The following CNTN5 variants were observed in gnomAD, a reference collection of about 807,000 sequenced individuals.
CNTN5 encodes the protein contactin 5, also known as contactin-5.
In CNTN5, 77 loss-of-function variants were observed where a neutral mutation model predicts 129.1. That is an observed-to-expected ratio of 0.60 (90% CI 0.50 to 0.72). The LOEUF (loss-of-function observed/expected upper bound fraction) is 0.72. CNTN5 is among the 30% of genes least tolerant of loss of function. The pLI, the probability that CNTN5 is intolerant of heterozygous loss-of-function variation, is 0.00. For missense variants in CNTN5, 1,478 were observed against 1,328.8 expected, an observed-to-expected ratio of 1.11 and a Z score of -1.75; for synonymous variants, 509 against 465.6, an observed-to-expected ratio of 1.09 and a Z score of -1.20.
rs57789569 is a variant in CNTN5 at position 99,448,730 on chromosome 11, TTTTTATTTTATTTTA to T, written c.-70-107365_-70-107351del. ...TAATTTGCCTAAAATTGTACAATTG[TTTTTATTTTATTTTA>T]TTTTATTTTATTTTATTTTATTTTA... On this transcript the variant is annotated intron_variant, in intron 2 of 24. Transcript: ENST00000524871. Among the ~76,000 whole-genome samples the T allele has an allele frequency of 2.6e-3, 320 of 123,350 alleles. 1 individual carries two copies. In the East Asian group the frequency reaches 0.029, roughly 11 times the overall value. 80.9% of individuals were successfully genotyped at this position (123,350 alleles called of 152,430 possible). A position where few individuals can be genotyped will look rare whatever the true frequency, so the allele number is the denominator to read the frequency against.
chr11:100,266,917 C>T (rs1950315020), intron 17 of CNTN5, among the ~76,000 whole-genome samples: 1 of 152,072 alleles, frequency 6.6e-6, no homozygotes, highest in Non-Finnish European at 1.5e-5. Context: ...GTTCTAGGCA[C>T]ATGCAGTGTA....
At chr11:99,582,547 A>T (rs1419020329) in intron 3 of CNTN5, among the ~76,000 whole-genome samples, 1 of 151,612 alleles carries the variant, frequency 6.6e-6, no homozygotes, top group African/African-American at 2.4e-5. Context: ...TTTTCTCTCA[A>T]CTTCTCTTCA....
intron 1 of CNTN5, among the ~76,000 whole-genome samples, chr11:99,170,897 G>C (rs547021955): frequency 6.6e-6 from 1 of 152,304 alleles, no homozygotes; most frequent in South Asian, 2.1e-4. Flanking sequence ...AGAAAGTAAT[G>C]TCATGTCAAT....
chr11:99,411,020 C>A (rs1942366664), intron 2 of CNTN5, among the ~76,000 whole-genome samples: 1 of 152,152 alleles, frequency 6.6e-6, no homozygotes, highest in Non-Finnish European at 1.5e-5. Flanking sequence ...ATTATCTGAA[C>A]TTTCATAAAT....
At chr11:99,797,834 C>A (rs185747299) in intron 3 of CNTN5, among the ~76,000 whole-genome samples, 2 of 151,986 alleles carry the variant, frequency 1.3e-5, no homozygotes, top group South Asian at 4.2e-4. Flanking sequence ...AAAGTTAAAA[C>A]GAATGACTTT....
At chr11:99,684,297 T>C (rs1025305363) in intron 3 of CNTN5, among the ~76,000 whole-genome samples, 1 of 151,930 alleles carries the variant, frequency 6.6e-6, no homozygotes, top group Non-Finnish European at 1.5e-5. Context: ...CACTATACCA[T>C]ATATACTTTT....
chr11:99,939,300 G>T (rs1483891593), intron 7 of CNTN5, among the ~76,000 whole-genome samples: 1 of 151,856 alleles, frequency 6.6e-6, no homozygotes, highest in Non-Finnish European at 1.5e-5. Context: ...TTATCTTGAA[G>T]TAATTTATAT....
At chr11:99,842,743 G>C (rs1947552068) in intron 4 of CNTN5, among the ~76,000 whole-genome samples, 1 of 152,050 alleles carries the variant, frequency 6.6e-6, no homozygotes, top group African/African-American at 2.4e-5. Context: ...AAAATTTATA[G>C]AAGTTTTCCA....
intron 13 of CNTN5, among the ~76,000 whole-genome samples, chr11:100,161,890 AC>A (rs1473644807): frequency 9.5e-5 from 14 of 146,894 alleles, no homozygotes; most frequent in African/African-American, 3.5e-4. Flanking sequence ...AAAACAAAAA[AC>A]AAAAAACACA....
chr11:99,942,323 G>A (rs1035266736), intron 7 of CNTN5, among the ~76,000 whole-genome samples: 2 of 151,850 alleles, frequency 1.3e-5, no homozygotes, highest in African/African-American at 4.8e-5. Flanking sequence ...TGTGGATGAT[G>A]GAAAGGGCGT....
At chr11:100,176,145 G>A (rs575809483) in intron 13 of CNTN5, among the ~76,000 whole-genome samples, 43 of 151,820 alleles carry the variant, frequency 2.8e-4, no homozygotes, top group African/African-American at 8.0e-4. Flanking sequence ...TCAACCTCCC[G>A]AGTTGCTGGG....
intron 1 of CNTN5, among the ~76,000 whole-genome samples, chr11:99,310,209 A>C (rs1433370260): frequency 6.6e-6 from 1 of 152,198 alleles, no homozygotes; most frequent in African/African-American, 2.4e-5. Flanking sequence ...AGAAAGACAC[A>C]TACAATGCTG....
chr11:99,579,816 C>G (rs1949507016), intron 3 of CNTN5, among the ~76,000 whole-genome samples: 1 of 151,074 alleles, frequency 6.6e-6, no homozygotes, highest in South Asian at 2.1e-4. Flanking sequence ...ATTGAATGCC[C>G]TTTATTCCCT....
intron 2 of CNTN5, among the ~76,000 whole-genome samples, chr11:99,552,644 T>C (rs1009326305): frequency 6.6e-6 from 1 of 152,154 alleles, no homozygotes; most frequent in Non-Finnish European, 1.5e-5. Context: ...CAGTATGTGC[T>C]TGGCATGCTT....
intron 13 of CNTN5, among the ~76,000 whole-genome samples, chr11:100,135,906 A>ATATC (rs1325831280): frequency 6.6e-6 from 1 of 152,044 alleles, no homozygotes; most frequent in Admixed American, 6.6e-5. Context: ...TTTGTTAGAT[A>ATATC]TATCTCTGCT....
intron 1 of CNTN5, among the ~76,000 whole-genome samples, chr11:99,303,920 G>A (rs899378639): frequency 6.6e-6 from 1 of 152,000 alleles, no homozygotes; most frequent in African/African-American, 2.4e-5. Context: ...ACATATTTGT[G>A]GAGGCCTAAA....
intron 3 of CNTN5, among the ~76,000 whole-genome samples, chr11:99,806,940 T>C (rs576189198): frequency 3.3e-5 from 5 of 152,190 alleles, no homozygotes; most frequent in African/African-American, 1.2e-4. Context: ...TATTATCAAA[T>C]TGGAAGCAAA....
rs1163660333 is a variant in CNTN5 at position 99,382,845 on chromosome 11, C to CTTTTTTTTT, written c.-71+57383_-71+57391dup. On this transcript the variant is annotated intron_variant, in intron 2 of 24. Coordinates refer to ENST00000524871, the MANE Select transcript of CNTN5 (RefSeq NM_014361.4). The stretch of plus-strand genomic sequence containing the variant: ...ACATCTCACTAGTGTCTCTAAATAA[C>CTTTTTTTTT]TTTTTTTTTTTTTTTTTTTTTTTTT... Among the ~76,000 whole-genome samples the CTTTTTTTTT allele has an allele frequency of 9.4e-3, 721 of 76,996 alleles. 229 individuals carry two copies. The highest frequency in any genetic ancestry group is 0.039 in the African/African-American group (627 of 16,152). The allele number at this position is 76,996 out of a possible 152,430, so 50.5% of individuals were successfully genotyped here.
chr11:99,888,112 A>G (rs549077176), intron 6 of CNTN5, among the ~76,000 whole-genome samples: 1 of 152,318 alleles, frequency 6.6e-6, no homozygotes, highest in African/African-American at 2.4e-5. Flanking sequence ...GGTAATACGT[A>G]TATAGCACTG....
Sources: gnomAD v4.1 joint callset for allele counts (sites outside exome capture counted in the v4.1 genomes callset) on GRCh38, gnomAD v4.1.1 for gene constraint, MANE v1.5 for transcripts, NCBI Gene and HGNC (gene_info 2026-07-23, HGNC 2026-07-21) for gene names.